The following ANO4 variants were observed in gnomAD, a reference collection of about 807,000 sequenced individuals.
ANO4 encodes anoctamin 4.
ANO4 carries 69 observed loss-of-function variants against 141.9 expected under a neutral mutation model. That is an observed-to-expected ratio of 0.49 (90% CI 0.40 to 0.59). ANO4 has a LOEUF of 0.59. Among genes scored for constraint, ANO4 ranks in the 20% least tolerant of loss-of-function variants. The pLI is 0.00. For missense variants in ANO4, 894 were observed against 1,162.2 expected (o/e 0.77, Z 3.36); for synonymous variants, 350 against 394.3 (o/e 0.89, Z 1.33).
intron 3 of ANO4, among the ~76,000 whole-genome samples, chr12:100,766,925 ATCT>A (rs2033110661): frequency 1.3e-5 from 2 of 152,096 alleles, no homozygotes; most frequent in South Asian, 4.1e-4. Context: ...CAATTGTTGT[ATCT>A]TCTTGATGAA....
chr12:100,825,159 TCTTTTA>T (rs964462001), intron 1 of ANO4, among the ~76,000 whole-genome samples: 8 of 152,182 alleles, frequency 5.3e-5, no homozygotes, highest in Admixed American at 1.3e-4. Context: ...TTATTCCAAC[TCTTTTA>T]CTTAAGGAAT....
upstream of ANO4, among the ~76,000 whole-genome samples, chr12:100,793,477 G>A (rs2034129952): frequency 6.6e-6 from 1 of 151,984 alleles, no homozygotes; most frequent in Non-Finnish European, 1.5e-5. Context: ...TTGCCTACGG[G>A]TAGAGATCAC....
chr12:101,070,201 A>AT, intron 14 of ANO4, among the ~76,000 whole-genome samples: 1 of 152,202 alleles, frequency 6.6e-6, no homozygotes, highest in Non-Finnish European at 1.5e-5. Context: ...AAGACTCAGA[A>AT]TAGCCAAAGT....
At chr12:100,847,283 G>A (rs983282037) in intron 1 of ANO4, among the ~76,000 whole-genome samples, 10 of 152,138 alleles carry the variant, frequency 6.6e-5, no homozygotes, top group African/African-American at 2.4e-4. Flanking sequence ...GGAAGGAAAC[G>A]CTGTGCAGAT....
intron 7 of ANO4, among the ~76,000 whole-genome samples, chr12:100,981,560 C>T (rs977085404): frequency 6.6e-6 from 1 of 152,052 alleles, no homozygotes; most frequent in Non-Finnish European, 1.5e-5. Flanking sequence ...GGCATATCAT[C>T]GCTGATAATG....
chr12:101,043,478 T>G (rs777476142), intron 12 of ANO4, 61 bp from the exon 13 acceptor site: 235 of 1,263,562 alleles, frequency 1.9e-4, no homozygotes, highest in Admixed American at 2.0e-4. Flanking sequence ...AACATTCTGG[T>G]GAAGTTAGAA....
chr12:101,088,497 G>A (rs1232079178), intron 17 of ANO4, among the ~76,000 whole-genome samples: 2 of 151,890 alleles, frequency 1.3e-5, no homozygotes, highest in African/African-American at 2.4e-5. Context: ...GCCCATAAGG[G>A]CAGAAGCTTT....
At chr12:100,824,562 G>A (rs1483256013) in intron 1 of ANO4, among the ~76,000 whole-genome samples, 1 of 152,026 alleles carries the variant, frequency 6.6e-6, no homozygotes, top group Admixed American at 6.6e-5. Context: ...TGTCACATTA[G>A]CTGGTTTAGC....
At chr12:100,919,803 G>T (rs1408726455) in intron 2 of ANO4, among the ~76,000 whole-genome samples, 1 of 146,938 alleles carries the variant, frequency 6.8e-6, no homozygotes, top group Non-Finnish European at 1.5e-5. Flanking sequence ...CTATATTCTT[G>T]TATTGGTTTT....
intron 8 of ANO4, among the ~76,000 whole-genome samples, chr12:101,015,312 A>G (rs184901354): frequency 6.6e-6 from 1 of 152,296 alleles, no homozygotes; most frequent in African/African-American, 2.4e-5. Flanking sequence ...ATGCCTATCA[A>G]CATATTCATA....
intron 2 of ANO4, among the ~76,000 whole-genome samples, chr12:100,919,494 G>GT (rs1039034307): frequency 3.3e-5 from 5 of 152,124 alleles, no homozygotes; most frequent in African/African-American, 9.7e-5. Flanking sequence ...TGCTGTACAG[G>GT]TTTGTAGCTT....
At chr12:100,729,390 AG>A (rs370318969) in intron 1 of ANO4, among the ~76,000 whole-genome samples, 2 of 145,918 alleles carry the variant, frequency 1.4e-5, no homozygotes, top group African/African-American at 2.5e-5. Context: ...AAAAAAAAAA[AG>A]GTAACACTAA....
intron 3 of ANO4, among the ~76,000 whole-genome samples, chr12:100,757,626 C>A: frequency 6.6e-6 from 1 of 152,126 alleles, no homozygotes; most frequent in Middle Eastern, 3.2e-3. Flanking sequence ...TTGGAAAAAA[C>A]CTTTGAAGGC....
chr12:101,032,776 T>C (rs2047027434), intron 9 of ANO4, among the ~76,000 whole-genome samples: 1 of 151,472 alleles, frequency 6.6e-6, no homozygotes, highest in Non-Finnish European at 1.5e-5. Context: ...AGATATCATC[T>C]CACACCAGTT....
chr12:100,748,884 TA>T (rs2032234958), intron 3 of ANO4, among the ~76,000 whole-genome samples: 1 of 152,222 alleles, frequency 6.6e-6, no homozygotes, highest in Admixed American at 6.5e-5. Flanking sequence ...AAGGGGTATT[TA>T]GATTTTAATC....
intron 3 of ANO4, among the ~76,000 whole-genome samples, chr12:100,788,616 A>G (rs2033945939): frequency 6.6e-6 from 1 of 152,186 alleles, no homozygotes; most frequent in Non-Finnish European, 1.5e-5. Context: ...GATAGCTGGA[A>G]TTTTGTACAG....
rs551135492 is a variant in ANO4, at chr12:100,989,077, T to C, written c.734+1407T>C. ...AAAATGTGTAACAGTAAGAGCAGTC[T>C]AATGCAGGGGAAGCAACTCTGTACG... On this transcript the variant is annotated intron_variant, in intron 8 of 27. Transcript: ENST00000392977. Among the ~76,000 whole-genome samples the C allele has an allele frequency of 2.6e-5, 4 of 152,162 alleles. No homozygotes were observed. In the South Asian group the frequency reaches 8.3e-4, roughly 32 times the overall value.
intron 2 of ANO4, among the ~76,000 whole-genome samples, chr12:100,904,220 C>T (rs1274961477): frequency 6.6e-6 from 1 of 152,136 alleles, no homozygotes; most frequent in Non-Finnish European, 1.5e-5. Flanking sequence ...CAACAAGTAC[C>T]TGATATACAT....
chr12:101,033,145 T>C (rs533510123), intron 9 of ANO4, among the ~76,000 whole-genome samples: 10 of 152,114 alleles, frequency 6.6e-5, no homozygotes, highest in Non-Finnish European at 1.2e-4. Context: ...CCATAAAAAA[T>C]GATGAGTTCA....
Sources: allele counts gnomAD v4.1 joint callset (sites outside exome capture counted in the v4.1 genomes callset), GRCh38; gene constraint gnomAD v4.1.1; transcripts MANE v1.5; gene names NCBI Gene and HGNC (gene_info 2026-07-23, HGNC 2026-07-21).